The following IL1RAPL1 variants were observed in gnomAD, a reference collection of about 807,000 sequenced individuals.
The protein encoded by IL1RAPL1 is interleukin-1 receptor accessory protein-like 1.
A neutral mutation model predicts 48.4 loss-of-function variants in IL1RAPL1; 3 were observed. The observed-to-expected ratio is 0.06, with a 90% CI of 0.03 to 0.16. The LOEUF is 0.16. Ranked by LOEUF, IL1RAPL1 falls within the 10% of genes least tolerant of loss-of-function variation. IL1RAPL1 has a pLI of 1.00. For synonymous variants in IL1RAPL1, 185 were observed against 187.7 expected (o/e 0.99, Z 0.12); for missense variants, 349 against 530.6 (o/e 0.66, Z 3.36).
At position 29,414,549 on chromosome X, in the gene IL1RAPL1, T is replaced by C. The variant is rs769648981; in HGVS notation, c.703+15241T>C. On this transcript the variant is annotated intron_variant, in intron 5 of 10. Transcript: ENST00000378993. ...GCCTGGGCAACATGGGGAAACCCTA[T>C]CTCTACAAAAAAATACAAAGAATTA... 2.7e-5 allele frequency among the ~76,000 whole-genome samples: 3 copies of C among 110,685 alleles called. No individual in the cohort carries two copies. The East Asian group carries it at 8.5e-4, about 31-fold the overall frequency.
chrX:28,826,897 T>C (rs781165934), intron 2 of IL1RAPL1, among the ~76,000 whole-genome samples: 1 of 111,260 alleles, frequency 9.0e-6, no homozygotes, highest in African/African-American at 3.3e-5. Flanking sequence ...ACATCTTGTG[T>C]GAAAGTTTCT....
chrX:29,805,874 T>A (rs1312107423), intron 6 of IL1RAPL1, among the ~76,000 whole-genome samples: 1 of 109,660 alleles, frequency 9.1e-6, no homozygotes, highest in Non-Finnish European at 1.9e-5. Flanking sequence ...TATAGTCTTA[T>A]ATGACAGAAA....
intron 5 of IL1RAPL1, among the ~76,000 whole-genome samples, chrX:29,647,160 G>A (rs1445878700): frequency 8.1e-5 from 9 of 111,406 alleles, no homozygotes; most frequent in Non-Finnish European, 1.7e-4. Context: ...GACCAGCCAG[G>A]CCAACATGGC....
At chrX:29,839,432 C>A (rs1931086474) in intron 6 of IL1RAPL1, among the ~76,000 whole-genome samples, 1 of 112,251 alleles carries the variant, frequency 8.9e-6, no homozygotes, top group Non-Finnish European at 1.9e-5. Flanking sequence ...ATCCCACTGA[C>A]CTCTATAGTT....
chrX:29,788,145 C>T (rs1007030417), intron 6 of IL1RAPL1, among the ~76,000 whole-genome samples: 12 of 111,151 alleles, frequency 1.1e-4, no homozygotes, highest in Non-Finnish European at 2.1e-4. Context: ...ATAAATTATT[C>T]AGTGAAGCAA....
chrX:29,018,450 A>G (rs766858350), intron 2 of IL1RAPL1, among the ~76,000 whole-genome samples: 1 of 112,062 alleles, frequency 8.9e-6, no homozygotes, highest in African/African-American at 3.2e-5. Flanking sequence ...ATTCAGGAGG[A>G]GCATCTCATC....
chrX:29,451,084 G>A (rs1389685381), intron 5 of IL1RAPL1, among the ~76,000 whole-genome samples: 3 of 107,068 alleles, frequency 2.8e-5, no homozygotes, highest in Non-Finnish European at 3.9e-5. Flanking sequence ...GGTACAAGAC[G>A]GAAAATGGTT....
intron 2 of IL1RAPL1, among the ~76,000 whole-genome samples, chrX:28,976,039 A>G (rs1410475229): frequency 8.9e-6 from 1 of 111,803 alleles, no homozygotes; most frequent in Non-Finnish European, 1.9e-5. Flanking sequence ...GAAAAAGAAG[A>G]CAAGTTCATA....
chrX:29,759,386 C>T (rs1161051286), intron 6 of IL1RAPL1, among the ~76,000 whole-genome samples: 1 of 110,251 alleles, frequency 9.1e-6, no homozygotes, highest in Non-Finnish European at 1.9e-5. Context: ...AGTACAAATA[C>T]TCAAATGGCC....
intron 3 of IL1RAPL1, among the ~76,000 whole-genome samples, chrX:29,288,205 G>T (rs151268970): frequency 0.026 from 2,894 of 110,020 alleles, 111 homozygotes; most frequent in African/African-American, 0.091. Context: ...TTGTTACATA[G>T]GTAAACGTGT....
At chrX:29,917,390 G>A in intron 6 of IL1RAPL1, 74 bp from the exon 7 acceptor site, 1 of 921,430 alleles carries the variant, frequency 1.1e-6, no homozygotes, top group Non-Finnish European at 1.6e-6. Flanking sequence ...TGATCAAAAT[G>A]TTACCTGTCA....
intron 1 of IL1RAPL1, among the ~76,000 whole-genome samples, chrX:28,755,735 G>A (rs1936098160): frequency 1.8e-5 from 2 of 111,792 alleles, no homozygotes; most frequent in Non-Finnish European, 3.8e-5. Context: ...CCCATTGTTT[G>A]TCATTTAATT....
At chrX:29,649,846 T>C (rs1296309513) in intron 5 of IL1RAPL1, among the ~76,000 whole-genome samples, 1 of 111,519 alleles carries the variant, frequency 9.0e-6, no homozygotes, top group African/African-American at 3.2e-5. Context: ...CATGATCTTA[T>C]ATATATAGAA....
rs759776116 is a variant in IL1RAPL1 at position 29,872,746 on chromosome X, T to G, written c.779-44718T>G. Among the ~76,000 whole-genome samples the G allele has an allele frequency of 1.3e-4, 15 of 112,468 alleles. No individual in the cohort carries two copies. In the South Asian group the frequency reaches 1.8e-3, roughly 14 times the overall value. On this transcript the variant is annotated intron_variant, in intron 6 of 10. Coordinates refer to ENST00000378993, the MANE Select transcript of IL1RAPL1 (RefSeq NM_014271.4). ...TCCCATTTGCCTACACAGAACATAA[T>G]TGTTTCATACACTAGAATTAGATCA...
intron 2 of IL1RAPL1, among the ~76,000 whole-genome samples, chrX:29,151,224 T>C (rs1399953513): frequency 8.9e-6 from 1 of 112,358 alleles, no homozygotes; most frequent in Non-Finnish European, 1.9e-5. Context: ...TTTCCATGGA[T>C]GGTTCCAAAA....
chrX:29,345,503 T>C (rs1316739073), intron 3 of IL1RAPL1, among the ~76,000 whole-genome samples: 2 of 112,241 alleles, frequency 1.8e-5, no homozygotes, highest in African/African-American at 3.2e-5. Context: ...CATTGATTTA[T>C]AGATAATATT....
chrX:28,795,152 A>T (rs1489911676), intron 2 of IL1RAPL1, among the ~76,000 whole-genome samples: 1 of 110,717 alleles, frequency 9.0e-6, no homozygotes, highest in East Asian at 3.1e-4. Context: ...TTTTGAAGTT[A>T]AAAAAAATGC....
At chrX:29,492,241 A>T (rs1935166824) in intron 5 of IL1RAPL1, among the ~76,000 whole-genome samples, 2 of 112,550 alleles carry the variant, frequency 1.8e-5, no homozygotes, top group South Asian at 7.3e-4. Flanking sequence ...ACATGTTTAC[A>T]TGTGTTTTTT....
chrX:28,691,621 A>T (rs1935179345), intron 1 of IL1RAPL1, among the ~76,000 whole-genome samples: 1 of 111,772 alleles, frequency 8.9e-6, no homozygotes, highest in African/African-American at 3.2e-5. Flanking sequence ...CTAGCTCTTA[A>T]TAAGTATTTG....
Sources: allele counts gnomAD v4.1 joint callset (sites outside exome capture counted in the v4.1 genomes callset), GRCh38; gene constraint gnomAD v4.1.1; transcripts MANE v1.5; gene names NCBI Gene and HGNC (gene_info 2026-07-23, HGNC 2026-07-21).